LMF1: variants seen among roughly 807,000 people sequenced by gnomAD.
The protein encoded by LMF1 is lipase maturation factor 1, also known as transmembrane protein 112.
A neutral mutation model predicts 60.6 loss-of-function variants in LMF1; 68 were observed. The observed-to-expected ratio is 1.12, with a 90% confidence interval of 0.92 to 1.37. The LOEUF is 1.37. LMF1 is among the 40% of genes most tolerant of loss of function. LMF1 has a pLI of 0.00. For synonymous variants in LMF1, 418 were observed against 324.7 expected (o/e 1.29, Z -3.09); for missense variants, 948 against 767.2 (o/e 1.24, Z -2.78).
intron 2 of LMF1, 123 bp from the exon 3 acceptor site, chr16:934,377 G>A: frequency 1.6e-6 from 2 of 1,266,834 alleles, no homozygotes; most frequent in Non-Finnish European, 1.1e-6. Context: ...GGGAAGCCCT[G>A]CGAGGAGGAC....
intron 1 of LMF1, chr16:968,672 C>T (rs1297385902): frequency 3.3e-5 from 5 of 152,212 alleles, no homozygotes; most frequent in Non-Finnish European, 7.3e-5. Context: ...AATGTACTCA[C>T]AAGACAGAAG....
chr16:949,883 G>A lies in LMF1; in HGVS notation c.503+4474C>T, dbSNP rs554583999. 3.0e-4 allele frequency among the ~76,000 whole-genome samples: 32 copies of A among 105,112 alleles called. 7 individuals are homozygous for A. The highest frequency in any genetic ancestry group is 4.6e-3 in the Middle Eastern group (1 of 218). 69.0% of individuals were successfully genotyped at this position (105,112 alleles called of 152,430 possible). On this transcript the variant is annotated intron_variant, in intron 2 of 10. Transcript: ENST00000262301. Reference sequence around the variant, plus strand: ...TCAGCCAAGGACAGCGTCAGCCAACGACAGAATCAGAGACAACGACAGAGT... The same window carrying A: ...TCAGCCAAGGACAGCGTCAGCCAACAACAGAATCAGAGACAACGACAGAGT...
At chr16:931,907 C>T in intron 3 of LMF1, 1 of 859,808 alleles carries the variant, frequency 1.2e-6, no homozygotes, top group South Asian at 1.6e-5. Context: ...CCACCTGCTA[C>T]CGAAGAATCA....
At chr16:910,709 G>A (rs1355707593) in intron 4 of LMF1, among the ~76,000 whole-genome samples, 1 of 152,178 alleles carries the variant, frequency 6.6e-6, no homozygotes, top group African/African-American at 2.4e-5. Context: ...TTCTGTCCCA[G>A]AAACAGGGAT....
At chr16:918,822 C>T (rs9931116) in intron 3 of LMF1, among the ~76,000 whole-genome samples, 2,096 of 152,004 alleles carry the variant, frequency 0.014, 63 homozygotes, top group African/African-American at 0.048. Context: ...CCCCGACTCT[C>T]ACGCGGGGCC....
upstream of LMF1, chr16:981,301 TGTGAGAGAGAGAGAGA>T (rs1184273640): frequency 2.4e-5 from 8 of 330,884 alleles, no homozygotes; most frequent in East Asian, 1.2e-4. Flanking sequence ...TGTGTGTGTG[TGTGAGAGAGAGAGAGA>T]GAGAGAGAGA....
At chr16:965,589 A>T (rs2072907340) in intron 1 of LMF1, among the ~76,000 whole-genome samples, 3 of 152,230 alleles carry the variant, frequency 2.0e-5, no homozygotes, top group Admixed American at 2.0e-4. Flanking sequence ...GCTCTGAGGG[A>T]AAGTGGCTTT....
At chr16:910,794 C>T in intron 4 of LMF1, 137 bp downstream of exon 4, 1 of 1,075,598 alleles carries the variant, frequency 9.3e-7, no homozygotes. Flanking sequence ...GAAGAGTGCG[C>T]AGCTGGCCAG....
chr16:970,687 G>C, intron 1 of LMF1, 101 bp downstream of exon 1: 1 of 1,118,028 alleles, frequency 8.9e-7, no homozygotes, highest in Non-Finnish European at 1.2e-6. Flanking sequence ...GCGTGGGGGC[G>C]CCGCGGCCGC....
intron 1 of LMF1, among the ~76,000 whole-genome samples, chr16:955,443 G>A (rs1301568381): frequency 6.8e-6 from 1 of 146,074 alleles, no homozygotes; most frequent in African/African-American, 2.6e-5. Flanking sequence ...CATAAAATGC[G>A]TGCCTGCAGC....
Position 954,062 on chromosome 16 carries a change from G to GCCTCCTGCACGTCCACACAGACACAC in LMF1, c.503+294_503+295insGTGTGTCTGTGTGGACGTGCAGGAGG, listed in dbSNP as rs1567312834. 3.6e-5 allele frequency among the ~76,000 whole-genome samples: 4 copies of GCCTCCTGCACGTCCACACAGACACAC among 110,748 alleles called. 1 individual carries two copies. Among genetic ancestry groups the GCCTCCTGCACGTCCACACAGACACAC allele is most frequent in the African/African-American group, 1.6e-4 (4 of 24,686 alleles). The allele number at this position is 110,748 out of a possible 152,430, so 72.7% of individuals were successfully genotyped here. A position where few individuals can be genotyped will look rare whatever the true frequency, so the allele number is the denominator to read the frequency against. On this transcript the variant is annotated intron_variant, in intron 2 of 10. Transcript: ENST00000262301. The stretch of plus-strand genomic sequence containing the variant: ...CCTCCTACACGTCCACACAGACACA[G>GCCTCCTGCACGTCCACACAGACACAC]ACCCACTGCTTCTGCCTCCCTTTCC...
At position 854,965 on chromosome 16, in the gene LMF1, G is replaced by A; in HGVS notation, c.1530-259C>T. On this transcript the variant is annotated intron_variant, in intron 10 of 10. Transcript: ENST00000262301. ...GGGCAGCTCCGGGAGGGGAGACCCA[G>A]CAGGGCCCACTTGGCAGAGGGACCG... 3 of 563,210 alleles carry A rather than the reference G, an allele frequency of 5.3e-6. No individual in the cohort carries two copies. In the South Asian group the frequency reaches 6.0e-5, roughly 11 times the overall value. 34.9% of individuals were successfully genotyped at this position (563,210 alleles called of 1,614,324 possible). A position where few individuals can be genotyped will look rare whatever the true frequency, so the allele number is the denominator to read the frequency against.
chr16:960,593 A>T, intron 1 of LMF1, among the ~76,000 whole-genome samples: 1 of 96,598 alleles, frequency 1.0e-5, no homozygotes, highest in Non-Finnish European at 2.3e-5. Flanking sequence ...CGACCCAGAC[A>T]CAGACTCACG....
In LMF1 at chr16:977,578, C is replaced by A. The variant is rs1048654563; in HGVS notation, c.-135+3567G>T. ...GGCCCGGGCCAAGGCTGTGCACACACCGGCTGCCAGCGGGTTCACGCCCGC... is the reference window on the plus strand; with the variant it reads ...GGCCCGGGCCAAGGCTGTGCACACAACGGCTGCCAGCGGGTTCACGCCCGC... On this transcript the variant is annotated intron_variant, in intron 1 of 6. Transcript: ENST00000570014. Among the ~76,000 whole-genome samples, 10 of 152,298 alleles carry A rather than the reference C, an allele frequency of 6.6e-5. No homozygotes were observed. The South Asian group carries it at 1.9e-3, about 28-fold the overall frequency.
In LMF1 at chr16:948,954, C is replaced by G. The variant is rs569740605; in HGVS notation, c.503+5403G>C. Among the ~76,000 whole-genome samples the G allele has an allele frequency of 3.7e-4, 37 of 99,602 alleles. 7 individuals carry two copies. The highest frequency in any genetic ancestry group is 9.3e-3 in the Middle Eastern group (2 of 216). The allele number at this position is 99,602 out of a possible 152,430, so 65.3% of individuals were successfully genotyped here. A position where few individuals can be genotyped will look rare whatever the true frequency, so the allele number is the denominator to read the frequency against. On this transcript the variant is annotated intron_variant, in intron 2 of 10. Transcript: ENST00000262301. ...ACAGAGTCAGAGCCAAGGACAGAGT[C>G]AGAGCCAACGACAGAGTCAGTCAAC...
rs534818978 is a variant in LMF1, at chr16:908,981, G to A, written c.663+1950C>T. On this transcript the variant is annotated intron_variant, in intron 4 of 10. Coordinates refer to ENST00000262301, the MANE Select transcript of LMF1 (RefSeq NM_022773.4). ...ACCCTCTGGACACCTTGTCCTGGGGGGTGAGAGGGGCCCTGGTGTTGAGGT... is the reference window on the plus strand; with the variant it reads ...ACCCTCTGGACACCTTGTCCTGGGGAGTGAGAGGGGCCCTGGTGTTGAGGT... Among the ~76,000 whole-genome samples, 38 of 152,300 alleles carry A rather than the reference G, an allele frequency of 2.5e-4. No homozygotes were observed. The Middle Eastern group carries it at 0.02, about 82-fold the overall frequency.
chr16:925,931 G>A (rs1246571538), intron 3 of LMF1, among the ~76,000 whole-genome samples: 1 of 152,250 alleles, frequency 6.6e-6, no homozygotes, highest in African/African-American at 2.4e-5. Flanking sequence ...GTTTGCATAT[G>A]ATCTGCATAT....
At position 859,275 on chromosome 16, in the gene LMF1, G is replaced by A. The variant is rs868721118; in HGVS notation, c.1530-4569C>T. Among the ~76,000 whole-genome samples, 184 of 76,274 alleles carry A rather than the reference G, an allele frequency of 2.4e-3. 1 individual carries two copies. The highest frequency in any genetic ancestry group is 9.3e-3 in the South Asian group (17 of 1,832). The allele number at this position is 76,274 out of a possible 152,430, so 50.0% of individuals were successfully genotyped here. On this transcript the variant is annotated intron_variant, in intron 10 of 10. Transcript: ENST00000262301. ...TGGTGTCACGGGACGGGTGTGAGTGGTGTCTCGGGACGGGTGTGAGTGGTG... is the reference window on the plus strand; with the variant it reads ...TGGTGTCACGGGACGGGTGTGAGTGATGTCTCGGGACGGGTGTGAGTGGTG...
intron 3 of LMF1, among the ~76,000 whole-genome samples, chr16:926,004 T>C (rs2071586149): frequency 6.6e-6 from 1 of 152,134 alleles, no homozygotes; most frequent in Non-Finnish European, 1.5e-5. Flanking sequence ...TATGCATGCA[T>C]GCATGTGTGC....
Sources: allele counts gnomAD v4.1 joint callset (sites outside exome capture counted in the v4.1 genomes callset), GRCh38; gene constraint gnomAD v4.1.1; transcripts MANE v1.5; gene names NCBI Gene and HGNC (gene_info 2026-07-23, HGNC 2026-07-21).